DOCK10: variants seen among roughly 807,000 people sequenced by gnomAD.
DOCK10 encodes dedicator of cytokinesis protein 10.
In DOCK10, 145 loss-of-function variants were observed where a neutral mutation model predicts 280.1. The observed-to-expected ratio is 0.52, with a 90% CI of 0.45 to 0.59. The LOEUF (loss-of-function observed/expected upper bound fraction) is 0.59. Among genes scored for constraint, DOCK10 ranks in the 20% least tolerant of loss-of-function variants. DOCK10 has a pLI of 0.00. For synonymous variants in DOCK10, 915 were observed against 942.2 expected (o/e 0.97, Z 0.53); for missense variants, 2,368 against 2,651.7 (o/e 0.89, Z 2.35).
At chr2:224,951,086 C>A (rs1189494736) in intron 1 of DOCK10, among the ~76,000 whole-genome samples, 2 of 152,202 alleles carry the variant, frequency 1.3e-5, no homozygotes, top group Non-Finnish European at 2.9e-5. Flanking sequence ...TCTAGACATA[C>A]TTGTGCTTAA....
Position 224,886,059 on chromosome 2 carries a change from T to C in DOCK10, c.612+4A>G. Reference sequence around the variant, plus strand: ...GATAAAGATGAGTCTTGATATCTCCTTACCCGAACAGTAACGGTGTTGTTC... The same window carrying C: ...GATAAAGATGAGTCTTGATATCTCCCTACCCGAACAGTAACGGTGTTGTTC... On this transcript the variant is annotated splice_donor_region_variant and intron_variant, in intron 6 of 55. Coordinates refer to ENST00000258390, the MANE Select transcript of DOCK10 (RefSeq NM_014689.3). The C allele has an allele frequency of 6.2e-7, 1 of 1,613,854 alleles. No homozygotes were observed. Among genetic ancestry groups the C allele is most frequent in the Non-Finnish European group, 8.5e-7 (1 of 1,179,852 alleles).
chr2:224,938,588 T>A (rs1169349240), intron 1 of DOCK10, among the ~76,000 whole-genome samples: 1 of 152,128 alleles, frequency 6.6e-6, no homozygotes, highest in Non-Finnish European at 1.5e-5. Context: ...GTTAACCAAT[T>A]TCAGTGTTAT....
intron 44 of DOCK10, 94 bp from the exon 45 acceptor site, chr2:224,795,188 G>C: frequency 9.2e-7 from 1 of 1,090,922 alleles, no homozygotes; most frequent in Non-Finnish European, 1.4e-6. Flanking sequence ...ACGCATCACA[G>C]TTTGGAGCAT....
intron 2 of DOCK10, among the ~76,000 whole-genome samples, chr2:224,920,110 T>C (rs1010349612): frequency 2.6e-5 from 4 of 152,192 alleles, no homozygotes; most frequent in African/African-American, 7.2e-5. Context: ...TCTCATTCTG[T>C]TGGCCAGGTT....
intron 1 of DOCK10, chr2:224,947,062 A>C (rs1343103155): frequency 7.1e-7 from 1 of 1,411,688 alleles, no homozygotes; most frequent in Non-Finnish European, 9.2e-7. Flanking sequence ...GTAAAAAGGG[A>C]AATGCTCATG....
At chr2:224,881,058 T>C (rs1698946954) in intron 7 of DOCK10, among the ~76,000 whole-genome samples, 1 of 152,180 alleles carries the variant, frequency 6.6e-6, no homozygotes, top group African/African-American at 2.4e-5. Context: ...ACTTACCTTC[T>C]AGTGTAATGA....
chr2:224,884,193 G>T (rs1699142658), intron 7 of DOCK10, among the ~76,000 whole-genome samples: 1 of 152,120 alleles, frequency 6.6e-6, no homozygotes, highest in Admixed American at 6.6e-5. Context: ...TCCTTTTAAA[G>T]TTCAGCTTTA....
intron 14 of DOCK10, chr2:224,862,039 T>C (rs568115290): frequency 3.0e-4 from 46 of 152,430 alleles, no homozygotes; most frequent in African/African-American, 1.1e-3. Context: ...TCATAATTGA[T>C]GATTAAACAG....
At chr2:225,021,377 T>C (rs992643895) in intron 1 of DOCK10, among the ~76,000 whole-genome samples, 1 of 152,208 alleles carries the variant, frequency 6.6e-6, no homozygotes, top group Non-Finnish European at 1.5e-5. Flanking sequence ...CAGCCCAGTC[T>C]ATGGTTCTAC....
At position 224,771,982 on chromosome 2, in the gene DOCK10, A is replaced by G. The variant is rs181331542; in HGVS notation, c.6204+1175T>C. On this transcript the variant is annotated intron_variant, in intron 53 of 55. Coordinates refer to ENST00000258390, the MANE Select transcript of DOCK10 (RefSeq NM_014689.3). ...GTCACTGATGCTGGAGTGCAATGGC[A>G]TGATCTCAGCTCACTGCAACCTCCA... 3.2e-3 allele frequency among the ~76,000 whole-genome samples: 490 copies of G among 150,818 alleles called. 2 individuals carry two copies. Among genetic ancestry groups the G allele is most frequent in the Middle Eastern group, 0.01 (3 of 292 alleles).
intron 1 of DOCK10, among the ~76,000 whole-genome samples, chr2:224,971,631 T>G (rs1291825227): frequency 6.6e-6 from 1 of 152,200 alleles, no homozygotes; most frequent in Non-Finnish European, 1.5e-5. Context: ...AAATCTTTAA[T>G]TTTACTTAAT....
At chr2:224,834,337 T>C in intron 25 of DOCK10, 74 bp from the exon 26 acceptor site, 1 of 874,710 alleles carries the variant, frequency 1.1e-6, no homozygotes, top group South Asian at 1.4e-5. Context: ...GTCATGTGAA[T>C]AACTTATGTC....
At chr2:224,952,974 C>CT (rs1187116232) in intron 1 of DOCK10, among the ~76,000 whole-genome samples, 1 of 152,230 alleles carries the variant, frequency 6.6e-6, no homozygotes, top group Non-Finnish European at 1.5e-5. Flanking sequence ...ATCACTGAAT[C>CT]TAAGCAACCG....
intron 5 of DOCK10, 83 bp downstream of exon 5, chr2:224,886,376 G>A (rs950377864): frequency 8.7e-6 from 13 of 1,486,636 alleles, no homozygotes; most frequent in Admixed American, 5.4e-5. Context: ...ACAACAAACC[G>A]GTCAGAACTC....
Position 224,864,688 on chromosome 2 carries a change from A to C in DOCK10, c.1480-13T>G. 2 of 1,601,568 alleles carry C rather than the reference A, an allele frequency of 1.2e-6. No homozygotes were observed. The highest frequency in any genetic ancestry group is 1.7e-6 in the Non-Finnish European group (2 of 1,176,600). The stretch of plus-strand genomic sequence containing the variant: ...CAGAAAATACAGCCTGTGTACAAAG[A>C]AAGCAGCTAATAAGCATGGAAGAAA... On this transcript the variant is annotated splice_polypyrimidine_tract_variant and intron_variant, in intron 12 of 55. Coordinates refer to ENST00000258390, the MANE Select transcript of DOCK10 (RefSeq NM_014689.3).
chr2:225,016,771 C>T (rs990781398), intron 1 of DOCK10, among the ~76,000 whole-genome samples: 15 of 151,144 alleles, frequency 9.9e-5, no homozygotes, highest in South Asian at 2.1e-4. Context: ...GGTGAAATTT[C>T]GGCTCACTGC....
In DOCK10 at chr2:224,797,979, C is replaced by G. The variant is rs1363045310; in HGVS notation, c.4507-10G>C. On this transcript the variant is annotated splice_polypyrimidine_tract_variant and intron_variant, in intron 41 of 55. Transcript: ENST00000258390. Reference sequence around the variant, plus strand: ...ATTGTTGGAGTTGTCTCTGGAAATTCAATGCAGATGTTATTCAGGATAAGT... The same window carrying G: ...ATTGTTGGAGTTGTCTCTGGAAATTGAATGCAGATGTTATTCAGGATAAGT... 2 of 1,612,064 alleles carry G rather than the reference C, an allele frequency of 1.2e-6. No individual in the cohort carries two copies. Among genetic ancestry groups the G allele is most frequent in the Admixed American group, 3.4e-5 (2 of 59,422 alleles).
intron 4 of DOCK10, among the ~76,000 whole-genome samples, chr2:224,891,671 CAAAG>C (rs1267039083): frequency 6.6e-6 from 1 of 152,086 alleles, no homozygotes; most frequent in African/African-American, 2.4e-5. Context: ...AGATATGAGA[CAAAG>C]AATACCAACG....
chr2:224,986,267 A>G (rs981458483), intron 1 of DOCK10, among the ~76,000 whole-genome samples: 1 of 152,200 alleles, frequency 6.6e-6, no homozygotes, highest in Admixed American at 6.5e-5. Context: ...AAAAATTGAG[A>G]AATGAAGCCT....
Sources: gnomAD v4.1 joint callset for allele counts (sites outside exome capture counted in the v4.1 genomes callset) on GRCh38, gnomAD v4.1.1 for gene constraint, MANE v1.5 for transcripts, NCBI Gene and HGNC (gene_info 2026-07-23, HGNC 2026-07-21) for gene names.